TFAM: variants seen among roughly 807,000 people sequenced by gnomAD.
TFAM encodes the protein mitochondrial transcription factor 1.
Under a neutral mutation model 30.6 loss-of-function variants are expected in TFAM, and 13 were observed. The observed-to-expected ratio is 0.42, with a 90% CI of 0.28 to 0.67. TFAM has a LOEUF of 0.67. Ranked by LOEUF, TFAM falls within the 30% of genes least tolerant of loss-of-function variation. The probability of loss-of-function intolerance (pLI) is 0.21; values close to 1 mark genes in which losing one functional copy is unlikely to be tolerated. For synonymous variants in TFAM, 106 were observed against 94.8 expected (o/e 1.12, Z -0.69); for missense variants, 231 against 293.7 (o/e 0.79, Z 1.56).
At chr10:58,394,481 A>G in intron 6 of TFAM, 67 bp downstream of exon 6, 1 of 1,317,368 alleles carries the variant, frequency 7.6e-7, no homozygotes, top group Non-Finnish European at 1.1e-6. Flanking sequence ...TATTAGGGCA[A>G]GGCTTGATTC....
chr10:58,388,253 A>G lies in TFAM; in HGVS notation c.284A>G (p.Lys95Arg). 9 of 1,613,966 alleles carry G rather than the reference A, an allele frequency of 5.6e-6. No individual in the cohort carries two copies. Among genetic ancestry groups the G allele is most frequent in the Non-Finnish European group, 7.6e-6 (9 of 1,179,852 alleles). ...AQRWRELPDS[K>R]KKIYQDAYRA... ...CGTTGGAGGGAACTTCCTGATTCAA[A>G]GAAAAAAGTAAGCACATAAGTTTTC... The change falls in exon 3 of 7, where the codon AAG becomes AGG. Residue 95 changes from lysine (K) to arginine (R), a missense_variant. Physicochemically the swap from Lys to Arg is conservative, Grantham distance 26. Coordinates refer to ENST00000487519, the MANE Select transcript of TFAM (RefSeq NM_003201.3).
At chr10:58,391,798 T>G (rs767191682) in intron 5 of TFAM, among the ~76,000 whole-genome samples, 3 of 151,786 alleles carry the variant, frequency 2.0e-5, no homozygotes, top group Non-Finnish European at 4.4e-5. Flanking sequence ...GCAGTTACTT[T>G]TGCACCAACC....
rs1840658603 is a variant in TFAM at position 58,395,065 on chromosome 10, G to A, written c.732G>A (p.Glu244=). The change falls in exon 7 of 7, where the codon GAG becomes GAA. Residue 244 remains glutamate, a synonymous_variant. Coordinates refer to ENST00000487519, the MANE Select transcript of TFAM (RefSeq NM_003201.3). ...TIKKQRKYGA[E]EC ...AGAAACAACGAAAATATGGTGCTGA[G>A]GAGTGTTAAAAGTAGAAGATTGAGA... is the stretch of plus-strand genomic sequence containing the variant. 9.3e-6 allele frequency: 15 copies of A among 1,613,302 alleles called. No homozygotes were observed. Among genetic ancestry groups the A allele is most frequent in the Non-Finnish European group, 1.2e-5 (14 of 1,179,598 alleles).
At chr10:58,390,039 G>C (rs1012259531) in intron 4 of TFAM, among the ~76,000 whole-genome samples, 1 of 152,196 alleles carries the variant, frequency 6.6e-6, no homozygotes, top group African/African-American at 2.4e-5. Flanking sequence ...CTCAGTGACT[G>C]AGAGATTCAG....
At chr10:58,394,832 A>G (rs1424455384) in intron 6 of TFAM, 96 bp from the exon 7 acceptor site, 37 of 1,230,734 alleles carry the variant, frequency 3.0e-5, no homozygotes, top group Non-Finnish European at 4.0e-5. Flanking sequence ...TTTCTAAAGT[A>G]TATACAGAAG....
chr10:58,385,708 T>G, intron 1 of TFAM, 60 bp downstream of exon 1: 1 of 1,283,338 alleles, frequency 7.8e-7, no homozygotes, highest in Non-Finnish European at 1.1e-6. Flanking sequence ...GGGGTTGGAA[T>G]GTAGACCCTA....
intron 2 of TFAM, among the ~76,000 whole-genome samples, chr10:58,387,719 C>G (rs1745937439): frequency 6.6e-6 from 1 of 152,060 alleles, no homozygotes; most frequent in African/African-American, 2.4e-5. Flanking sequence ...TGCTTGAACT[C>G]AGGAGTTTGA....
chr10:58,398,927 T>C lies in TFAM; in HGVS notation c.*3853T>C, dbSNP rs560011210. 3.7e-4 allele frequency: 57 copies of C among 152,320 alleles called. No homozygotes were observed. The highest frequency in any genetic ancestry group is 3.4e-3 in the Middle Eastern group (1 of 294). The allele number at this position is 152,320 out of a possible 1,614,324, so 9.4% of individuals were successfully genotyped here. A position where few individuals can be genotyped will look rare whatever the true frequency, so the allele number is the denominator to read the frequency against. On this transcript the variant is annotated 3_prime_UTR_variant, in exon 7 of 7. Coordinates refer to ENST00000487519, the MANE Select transcript of TFAM (RefSeq NM_003201.3). ...GTTTTGAAATTTTAGAACAGTAATG[T>C]TCTTTTTAAAATTGAACTTCTGCAG...
intron 1 of TFAM, 123 bp from the exon 2 acceptor site, chr10:58,386,096 TG>T: frequency 2.5e-6 from 2 of 800,050 alleles, no homozygotes; most frequent in South Asian, 2.7e-5. Context: ...CTAGCATTCT[TG>T]TTGAAGGCGT....
intron 4 of TFAM, among the ~76,000 whole-genome samples, chr10:58,390,184 A>G (rs1050098415): frequency 6.6e-6 from 1 of 152,234 alleles, no homozygotes; most frequent in African/African-American, 2.4e-5. Flanking sequence ...ATCCAAATTC[A>G]GAAACTTAAG....
intron 2 of TFAM, chr10:58,386,641 C>T: frequency 8.5e-7 from 1 of 1,174,864 alleles, no homozygotes; most frequent in Non-Finnish European, 1.1e-6. Flanking sequence ...ATTATTTTCT[C>T]TTGCCTAGCT....
In TFAM at chr10:58,388,220, T is replaced by C. The variant is rs1326873594; in HGVS notation, c.251T>C (p.Ile84Thr). The C allele has an allele frequency of 6.2e-7, 1 of 1,614,042 alleles. No individual in the cohort carries two copies. Among genetic ancestry groups the C allele is most frequent in the East Asian group, 2.2e-5 (1 of 44,852 alleles). Residue 84 changes from isoleucine to threonine, a missense_variant, in exon 3 of 7, where the codon ATT (isoleucine) becomes ACT (threonine). Physicochemically the swap from Ile to Thr is moderately conservative, Grantham distance 89. Transcript: ENST00000487519. ...DAKTTELIRRIAQRWRELPDS... is the reference protein window; with the variant it reads ...DAKTTELIRRTAQRWRELPDS... ...AAAACTACAGAACTAATTAGAAGAA[T>C]TGCCCAGCGTTGGAGGGAACTTCCT... is the stretch of plus-strand genomic sequence containing the variant.
chr10:58,387,453 G>A (rs1840511338), intron 2 of TFAM, among the ~76,000 whole-genome samples: 1 of 152,280 alleles, frequency 6.6e-6, no homozygotes, highest in East Asian at 1.9e-4. Context: ...ATTGAATTTC[G>A]AATAGCTTGT....
At chr10:58,394,547 A>G (rs774356060) in intron 6 of TFAM, 133 bp downstream of exon 6, 27 of 897,570 alleles carry the variant, frequency 3.0e-5, no homozygotes, top group East Asian at 2.8e-4. Flanking sequence ...TTATTTTCAT[A>G]TTCTCAGAAC....
At chr10:58,391,903 T>C (rs1008621755) in intron 5 of TFAM, among the ~76,000 whole-genome samples, 1 of 151,772 alleles carries the variant, frequency 6.6e-6, no homozygotes, top group Admixed American at 6.6e-5. Context: ...TGAAGTTGCT[T>C]ATGTCTGTTT....
In TFAM at chr10:58,398,087, A is replaced by T. The variant is rs1840721832; in HGVS notation, c.*3013A>T. On this transcript the variant is annotated 3_prime_UTR_variant, in exon 7 of 7. Transcript: ENST00000487519. ...AAGCCTTACTATTTCTTTTGGAGAC[A>T]CAGTCTTGCTCTGTCCAAGCTGGAA... 1 of 151,986 alleles carries T rather than the reference A, an allele frequency of 6.6e-6. No individual in the cohort carries two copies. Among genetic ancestry groups the T allele is most frequent in the African/African-American group, 2.4e-5 (1 of 41,310 alleles). 9.4% of individuals were successfully genotyped at this position (151,986 alleles called of 1,614,324 possible).
Position 58,388,656 on chromosome 10 carries a change from T to A in TFAM, c.292-14T>A. On this transcript the variant is annotated splice_polypyrimidine_tract_variant and intron_variant, in intron 3 of 6. Coordinates refer to ENST00000487519, the MANE Select transcript of TFAM (RefSeq NM_003201.3). ...GCAATGGTTTGTTGACTTACTTGGG[T>A]TTTTTATTTATAGATATATCAAGAT... The A allele has an allele frequency of 6.4e-7, 1 of 1,570,558 alleles. No homozygotes were observed. Among genetic ancestry groups the A allele is most frequent in the Non-Finnish European group, 8.6e-7 (1 of 1,158,976 alleles).
At chr10:58,388,343 A>G in intron 3 of TFAM, 83 bp downstream of exon 3, 1 of 1,169,194 alleles carries the variant, frequency 8.6e-7, no homozygotes, top group South Asian at 1.3e-5. Context: ...GACCAGATGG[A>G]TCAGACTTTT....
chr10:58,397,238 C>T lies in TFAM; in HGVS notation c.*2164C>T, dbSNP rs747827452. The T allele has an allele frequency of 2.0e-5, 3 of 152,158 alleles. No individual in the cohort carries two copies. Among genetic ancestry groups the T allele is most frequent in the Non-Finnish European group, 4.4e-5 (3 of 68,028 alleles). 9.4% of individuals were successfully genotyped at this position (152,158 alleles called of 1,614,324 possible). On this transcript the variant is annotated 3_prime_UTR_variant, in exon 7 of 7. Transcript: ENST00000487519. ...ATGATTGAGATAGAGGAATGAGTTA[C>T]ATAAACATCTCGGGACAAATGCAGC... is the stretch of plus-strand genomic sequence containing the variant.
Sources: allele counts gnomAD v4.1 joint callset (sites outside exome capture counted in the v4.1 genomes callset), GRCh38; gene constraint gnomAD v4.1.1; transcripts MANE v1.5; gene names NCBI Gene and HGNC (gene_info 2026-07-23, HGNC 2026-07-21).